The following PHLPP1 variants were observed in gnomAD, a reference collection of about 807,000 sequenced individuals.
PHLPP1 encodes the protein PH domain leucine-rich repeat-containing protein phosphatase 1.
A neutral mutation model predicts 117.2 loss-of-function variants in PHLPP1; 42 were observed. The ratio of observed to expected loss-of-function variants is 0.36; its 90% CI spans 0.28 to 0.46. PHLPP1 has a LOEUF of 0.46. PHLPP1 is among the 20% of genes least tolerant of loss of function. The pLI is 1.00. For missense variants in PHLPP1, 2,084 were observed against 2,241.9 expected, an observed-to-expected ratio of 0.93 and a Z score of 1.42; for synonymous variants, 1,042 against 970.7, an observed-to-expected ratio of 1.07 and a Z score of -1.37.
intron 12 of PHLPP1, among the ~76,000 whole-genome samples, chr18:62,949,088 TAACACTGTTTCTTGAAAATAA>T (rs1910379251): frequency 6.6e-6 from 1 of 152,334 alleles, no homozygotes; most frequent in East Asian, 1.9e-4. Flanking sequence ...TAGATTACAT[TAACACTGTTTCTTGAAAATAA>T]AGTGCAGTAG....
intron 8 of PHLPP1, among the ~76,000 whole-genome samples, chr18:62,907,186 T>TA (rs1187665563): frequency 1.2e-3 from 7 of 6,082 alleles, no homozygotes; most frequent in South Asian, 0.01. Context: ...CAAAAGTAGA[T>TA]AAAACCACAA....
rs1180452809 is a variant in PHLPP1 at position 62,903,088 on chromosome 18, T to C, written c.2569T>C (p.Leu857=). The change falls in exon 7 of 17, where the codon TTA becomes CTA. Residue 857 remains leucine (L), a synonymous_variant. Coordinates refer to ENST00000262719, the MANE Select transcript of PHLPP1 (RefSeq NM_194449.4). ...TATGATTTTCAACAACATTGAAGTT[T>C]TACACTGTGAAAGGAATCAACTGGT... ...DAMIFNNIEV[L]HCERNQLVTL... The C allele has an allele frequency of 8.1e-6, 13 of 1,613,574 alleles. No individual in the cohort carries two copies. Among genetic ancestry groups the C allele is most frequent in the Non-Finnish European group, 4.2e-6 (5 of 1,179,730 alleles).
chr18:62,761,104 A>G (rs1021287139), intron 1 of PHLPP1, among the ~76,000 whole-genome samples: 24 of 152,016 alleles, frequency 1.6e-4, no homozygotes, highest in South Asian at 2.1e-4. Context: ...AGCTCAAGCA[A>G]TCTGCCCGCC....
At chr18:62,805,719 C>A (rs752719443) in intron 1 of PHLPP1, among the ~76,000 whole-genome samples, 5 of 152,034 alleles carry the variant, frequency 3.3e-5, no homozygotes, top group Non-Finnish European at 7.4e-5. Context: ...TTAATGTATT[C>A]TGTGTCTGTC....
In PHLPP1 at chr18:62,808,575, G is replaced by T. The variant is rs145477705; in HGVS notation, c.1577-21460G>T. On this transcript the variant is annotated intron_variant, in intron 1 of 16. Transcript: ENST00000262719. ...TTTTTTTGTTTTTTTTTTTTGAGAC[G>T]GAGTTTCACTCTTGTCGCCCAGGCT... Among the ~76,000 whole-genome samples the T allele has an allele frequency of 9.2e-5, 12 of 131,030 alleles. No homozygotes were observed. In the East Asian group the frequency reaches 2.2e-3, roughly 24 times the overall value. 86.0% of individuals were successfully genotyped at this position (131,030 alleles called of 152,430 possible).
intron 1 of PHLPP1, among the ~76,000 whole-genome samples, chr18:62,829,062 C>T (rs1168403993): frequency 6.6e-6 from 1 of 152,220 alleles, no homozygotes; most frequent in Non-Finnish European, 1.5e-5. Flanking sequence ...GAAGTGAAGA[C>T]TCTTCAGACC....
intron 1 of PHLPP1, among the ~76,000 whole-genome samples, chr18:62,729,550 C>CATCACAGACCACGCCCA (rs1911170945): frequency 6.6e-6 from 1 of 152,136 alleles, no homozygotes; most frequent in South Asian, 2.1e-4. Context: ...TGGTGTGCGG[C>CATCACAGACCACGCCCA]TGTAATCCCA....
At chr18:62,831,483 G>T (rs567174553) in intron 2 of PHLPP1, among the ~76,000 whole-genome samples, 5 of 151,860 alleles carry the variant, frequency 3.3e-5, no homozygotes, top group Non-Finnish European at 5.9e-5. Flanking sequence ...GACTACAGGC[G>T]CATGACACCA....
intron 1 of PHLPP1, among the ~76,000 whole-genome samples, chr18:62,791,722 C>G (rs1599049479): frequency 6.6e-6 from 1 of 152,242 alleles, no homozygotes; most frequent in East Asian, 1.9e-4. Context: ...GCTGGATTTA[C>G]AACAGTAGGG....
In PHLPP1 at chr18:62,811,380, G is replaced by A. The variant is rs1234607336; in HGVS notation, c.1577-18655G>A. Among the ~76,000 whole-genome samples the A allele has an allele frequency of 9.2e-5, 14 of 152,262 alleles. No individual in the cohort carries two copies. The East Asian group carries it at 2.7e-3, about 29-fold the overall frequency. ...AGATATAAAATGACAACTTAGAAAG[G>A]TGTGTATGATACAAAGGTGTGTGAA... On this transcript the variant is annotated intron_variant, in intron 1 of 16. Coordinates refer to ENST00000262719, the MANE Select transcript of PHLPP1 (RefSeq NM_194449.4).
intron 1 of PHLPP1, among the ~76,000 whole-genome samples, chr18:62,785,202 G>A (rs1186519680): frequency 1.3e-5 from 2 of 152,182 alleles, no homozygotes; most frequent in Admixed American, 6.5e-5. Context: ...TTATAGTGCC[G>A]TGGCTGCCAA....
At chr18:62,752,017 G>A (rs2144237097) in intron 1 of PHLPP1, among the ~76,000 whole-genome samples, 1 of 152,238 alleles carries the variant, frequency 6.6e-6, no homozygotes, top group Non-Finnish European at 1.5e-5. Context: ...GTGCTCCAAA[G>A]GAATTTATTC....
At chr18:62,949,862 G>A (rs1910402822) in intron 12 of PHLPP1, among the ~76,000 whole-genome samples, 1 of 152,174 alleles carries the variant, frequency 6.6e-6, no homozygotes, top group African/African-American at 2.4e-5. Flanking sequence ...GCAGAGGTTG[G>A]ATATGGCACT....
At chr18:62,800,486 C>T (rs1286712167) in intron 1 of PHLPP1, among the ~76,000 whole-genome samples, 1 of 151,816 alleles carries the variant, frequency 6.6e-6, no homozygotes, top group Non-Finnish European at 1.5e-5. Context: ...AACTTTTTTT[C>T]TGCTTCTAGA....
chr18:62,940,348 TC>T (rs1910093036), intron 10 of PHLPP1, among the ~76,000 whole-genome samples: 2 of 143,008 alleles, frequency 1.4e-5, no homozygotes, highest in African/African-American at 2.6e-5. Flanking sequence ...TCTTTTTCTT[TC>T]TTTTCTTTTT....
chr18:62,836,417 G>A (rs12966786), intron 2 of PHLPP1, among the ~76,000 whole-genome samples: 1 of 149,642 alleles, frequency 6.7e-6, no homozygotes, highest in Non-Finnish European at 1.5e-5. Context: ...GGGCAACAGA[G>A]CGAGACTCCA....
intron 12 of PHLPP1, among the ~76,000 whole-genome samples, chr18:62,957,728 T>C (rs1291918251): frequency 1.3e-5 from 2 of 151,956 alleles, no homozygotes; most frequent in Non-Finnish European, 2.9e-5. Flanking sequence ...TTTTTTTTTT[T>C]TGGTGAGATG....
intron 5 of PHLPP1, 47 bp from the exon 6 acceptor site, chr18:62,895,734 G>A: frequency 8.6e-7 from 1 of 1,165,102 alleles, no homozygotes; most frequent in Non-Finnish European, 1.3e-6. Context: ...TAATAAAGAT[G>A]TAAAATTTAT....
intron 4 of PHLPP1, among the ~76,000 whole-genome samples, chr18:62,874,697 GCTCTCTGTCT>G (rs1335436297): frequency 1.7e-4 from 26 of 149,218 alleles, no homozygotes; most frequent in Admixed American, 4.7e-4. Context: ...ACACACTCTC[GCTCTCTGTCT>G]CTCTCTGTCT....
Sources: allele counts gnomAD v4.1 joint callset (sites outside exome capture counted in the v4.1 genomes callset), GRCh38; gene constraint gnomAD v4.1.1; transcripts MANE v1.5; gene names NCBI Gene and HGNC (gene_info 2026-07-23, HGNC 2026-07-21).